ELP2: variants seen among roughly 807,000 people sequenced by gnomAD.
ELP2 encodes the protein elongator complex protein 2.
ELP2 carries 90 observed loss-of-function variants against 119.2 expected under a neutral mutation model. The observed-to-expected ratio is 0.75, with a 90% confidence interval of 0.64 to 0.90. The LOEUF (loss-of-function observed/expected upper bound fraction) is 0.90, where lower values mean the gene tolerates loss of function less well. Ranked by LOEUF, ELP2 falls within the 40% of genes least tolerant of loss-of-function variation. The pLI, the probability that ELP2 is intolerant of heterozygous loss-of-function variation, is 0.00. For synonymous variants in ELP2, 339 were observed against 331.0 expected (o/e 1.02, Z -0.26); for missense variants, 921 against 967.8 (o/e 0.95, Z 0.64).
At chr18:36,138,657 C>T in intron 4 of ELP2, 138 bp from the exon 5 acceptor site, 1 of 894,072 alleles carries the variant, frequency 1.1e-6, no homozygotes, top group Non-Finnish European at 1.8e-6. Flanking sequence ...TTTAACTTCA[C>T]ATGGTCAGTG....
At chr18:36,167,768 G>T (rs1300305963) in intron 19 of ELP2, among the ~76,000 whole-genome samples, 1 of 151,604 alleles carries the variant, frequency 6.6e-6, no homozygotes, top group Non-Finnish European at 1.5e-5. Flanking sequence ...GGACCTCCTG[G>T]GCCCAAGCAA....
intron 17 of ELP2, 37 bp downstream of exon 17, chr18:36,161,041 G>A (rs1040644815): frequency 6.7e-7 from 1 of 1,501,038 alleles, no homozygotes; most frequent in African/African-American, 1.4e-5. Flanking sequence ...TTGGTCACAG[G>A]TTATTTGGGT....
chr18:36,161,087 A>G, intron 17 of ELP2, 83 bp downstream of exon 17: 1 of 991,116 alleles, frequency 1.0e-6, no homozygotes. Flanking sequence ...TGATTTAGGC[A>G]GAACTCTACG....
chr18:36,140,100 T>C (rs2089968970), intron 5 of ELP2, among the ~76,000 whole-genome samples: 1 of 152,140 alleles, frequency 6.6e-6, no homozygotes, highest in Non-Finnish European at 1.5e-5. Flanking sequence ...TGTCTCGGCC[T>C]CCCAAAGTGC....
chr18:36,157,245 T>C (rs1202556560), intron 13 of ELP2, among the ~76,000 whole-genome samples: 1 of 152,190 alleles, frequency 6.6e-6, no homozygotes, highest in African/African-American at 2.4e-5. Flanking sequence ...AATTATGAAG[T>C]AATTTTGAAA....
chr18:36,170,785 A>G lies in ELP2; in HGVS notation c.2211-262A>G, dbSNP rs934178403. ...TGTAACAAGCATCTTCAGTGGAACA[A>G]GGGTCCCTACAGCCAGCTGGGGAAA... is the stretch of plus-strand genomic sequence containing the variant. On this transcript the variant is annotated intron_variant, in intron 20 of 21. Transcript: ENST00000358232. The G allele has an allele frequency of 7.6e-6, 4 of 528,634 alleles. No individual in the cohort carries two copies. The African/African-American group carries it at 7.6e-5, about 10-fold the overall frequency. 32.7% of individuals were successfully genotyped at this position (528,634 alleles called of 1,614,324 possible).
intron 21 of ELP2, among the ~76,000 whole-genome samples, chr18:36,171,626 G>A (rs1402845174): frequency 6.6e-6 from 1 of 152,168 alleles, no homozygotes; most frequent in African/African-American, 2.4e-5. Context: ...CACCTGAGCT[G>A]GCATAGAGCA....
intron 2 of ELP2, among the ~76,000 whole-genome samples, chr18:36,134,151 A>G (rs1331035623): frequency 2.0e-5 from 3 of 152,118 alleles, no homozygotes; most frequent in Non-Finnish European, 4.4e-5. Flanking sequence ...TTTAGGCAAG[A>G]CATTGCATCT....
chr18:36,157,355 A>G (rs1237463030), intron 13 of ELP2, among the ~76,000 whole-genome samples: 2 of 152,282 alleles, frequency 1.3e-5, no homozygotes, highest in East Asian at 3.9e-4. Flanking sequence ...CTCAAAAAGG[A>G]TAAGTACCCT....
chr18:36,131,718 A>G (rs374543869), intron 1 of ELP2, among the ~76,000 whole-genome samples: 1 of 152,218 alleles, frequency 6.6e-6, no homozygotes. Flanking sequence ...AGATGATTAT[A>G]CTCATGCTTT....
intron 20 of ELP2, 34 bp from the exon 21 acceptor site, chr18:36,171,013 G>C (rs1539835): frequency 7.1e-7 from 1 of 1,401,106 alleles, no homozygotes. Flanking sequence ...TTCATGCTAA[G>C]TTAATCACTG....
rs190108573 is a variant in ELP2, at chr18:36,133,108, A to T, written c.139-130A>T. The T allele has an allele frequency of 4.9e-4, 340 of 698,312 alleles. 2 individuals carry two copies. The East Asian group carries it at 6.5e-3, about 13-fold the overall frequency. 43.3% of individuals were successfully genotyped at this position (698,312 alleles called of 1,614,324 possible). A position where few individuals can be genotyped will look rare whatever the true frequency, so the allele number is the denominator to read the frequency against. The stretch of plus-strand genomic sequence containing the variant: ...ATGGTTAAAAGTTTATAGATTGAAG[A>T]AGGCAAATCTGTTTGATGTAAACCT... On this transcript the variant is annotated intron_variant, in intron 1 of 21. Transcript: ENST00000358232.
At chr18:36,139,678 A>G in intron 5 of ELP2, 1 of 1,400,662 alleles carries the variant, frequency 7.1e-7, no homozygotes, top group Non-Finnish European at 9.5e-7. Context: ...TAAAGTAAGA[A>G]AATCTTTGAA....
At chr18:36,146,945 A>C (rs2090225928) in intron 11 of ELP2, among the ~76,000 whole-genome samples, 2 of 152,158 alleles carry the variant, frequency 1.3e-5, no homozygotes, top group Admixed American at 1.3e-4. Context: ...AGCTTGGGAA[A>C]ATTAGATAGC....
At chr18:36,130,261 C>T (rs1279056248) in intron 1 of ELP2, among the ~76,000 whole-genome samples, 190 bp downstream of exon 1, 2 of 152,218 alleles carry the variant, frequency 1.3e-5, no homozygotes, top group African/African-American at 2.4e-5. Flanking sequence ...CCTTTGCCGT[C>T]TCACGCGTGG....
intron 9 of ELP2, chr18:36,145,491 G>A (rs1028133538): frequency 3.8e-5 from 11 of 290,606 alleles, no homozygotes; most frequent in African/African-American, 6.7e-5. Flanking sequence ...TCAGGCTGGT[G>A]CTGGGTGTAT....
intron 11 of ELP2, among the ~76,000 whole-genome samples, chr18:36,149,195 G>A (rs2090308337): frequency 6.6e-6 from 1 of 152,138 alleles, no homozygotes; most frequent in Admixed American, 6.6e-5. Context: ...AATACCCAAA[G>A]CTTTTCATCT....
chr18:36,142,036 T>G (rs542647048), intron 6 of ELP2, among the ~76,000 whole-genome samples: 1 of 152,286 alleles, frequency 6.6e-6, no homozygotes, highest in East Asian at 1.9e-4. Flanking sequence ...TCATTTTATA[T>G]CTTAAACATT....
chr18:36,152,145 C>T (rs977858486), intron 11 of ELP2, among the ~76,000 whole-genome samples: 3 of 151,050 alleles, frequency 2.0e-5, no homozygotes, highest in Admixed American at 6.6e-5. Flanking sequence ...TGCAGTTAGC[C>T]GTGATTGCAT....
Sources: gnomAD v4.1 joint callset for allele counts (sites outside exome capture counted in the v4.1 genomes callset) on GRCh38, gnomAD v4.1.1 for gene constraint, MANE v1.5 for transcripts, NCBI Gene and HGNC (gene_info 2026-07-23, HGNC 2026-07-21) for gene names.